Variants in BIRC6 observed in about 807,000 individuals in gnomAD.
BIRC6 encodes the protein dual E2 ubiquitin-conjugating enzyme/E3 ubiquitin-protein ligase BIRC6.
BIRC6 carries 98 observed loss-of-function variants against 503.3 expected under a neutral mutation model. The observed-to-expected ratio is 0.19, with a 90% CI of 0.17 to 0.23. The LOEUF (loss-of-function observed/expected upper bound fraction) is 0.23. BIRC6 is among the 10% of genes least tolerant of loss of function. BIRC6 has a pLI of 1.00. For missense variants in BIRC6, 5,360 were observed against 5,806.0 expected (o/e 0.92, Z 2.50); for synonymous variants, 2,240 against 2,078.7 (o/e 1.08, Z -2.11).
In BIRC6 at chr2:32,515,127, C is replaced by T; in HGVS notation, c.10706C>T (p.Pro3569Leu). 9 of 1,613,938 alleles carry T rather than the reference C, an allele frequency of 5.6e-6. No individual in the cohort carries two copies. The highest frequency in any genetic ancestry group is 7.6e-6 in the Non-Finnish European group (9 of 1,179,880). ...ATGGGCTGGATGGGAATTACCCCTC[C>T]TCCAGTGCAATGTCATCATAGACTG... ...LLMGWMGITPPPVQCHHRLSM... is the reference protein window; with the variant it reads ...LLMGWMGITPLPVQCHHRLSM... The change falls in exon 55 of 74, where the codon CCT becomes CTT. Residue 3569 changes from proline to leucine, a missense_variant. Physicochemically the swap from Pro to Leu is moderately conservative, Grantham distance 98. Transcript: ENST00000421745.
intron 61 of BIRC6, among the ~76,000 whole-genome samples, chr2:32,535,756 C>T (rs1242879130): frequency 1.3e-5 from 2 of 152,192 alleles, no homozygotes; most frequent in African/African-American, 4.8e-5. Flanking sequence ...AATAGTGCTG[C>T]AATAAACATA....
At chr2:32,384,378 A>AT (rs769809045) in intron 3 of BIRC6, among the ~76,000 whole-genome samples, 2,772 of 139,110 alleles carry the variant, frequency 0.02, 55 homozygotes, top group African/African-American at 0.063. Context: ...TGGAAAAAAG[A>AT]TTTTTTTTTT....
intron 49 of BIRC6, 138 bp downstream of exon 49, chr2:32,503,374 G>A (rs1021891092): frequency 2.7e-6 from 2 of 729,668 alleles, no homozygotes; most frequent in Non-Finnish European, 4.5e-6. Flanking sequence ...TAGAGGTAGT[G>A]GATATCTCGA....
chr2:32,570,488 A>ATTTG (rs146958492), intron 65 of BIRC6, among the ~76,000 whole-genome samples: 2,809 of 146,514 alleles, frequency 0.019, 74 homozygotes, highest in African/African-American at 0.065. Flanking sequence ...GTGGCCATTT[A>ATTTG]TTTGTTTGTT....
At chr2:32,446,688 G>A (rs2045974619) in intron 21 of BIRC6, among the ~76,000 whole-genome samples, 1 of 138,852 alleles carries the variant, frequency 7.2e-6, no homozygotes, top group Admixed American at 7.5e-5. Context: ...ACATAGTTGA[G>A]ATTCACTGAA....
intron 65 of BIRC6, among the ~76,000 whole-genome samples, chr2:32,560,218 TG>T (rs2059074365): frequency 6.6e-6 from 1 of 152,212 alleles, no homozygotes; most frequent in Non-Finnish European, 1.5e-5. Context: ...TTTGATATCT[TG>T]AGATATTTTT....
chr2:32,590,163 T>G (rs749188550), intron 66 of BIRC6, among the ~76,000 whole-genome samples: 20 of 152,204 alleles, frequency 1.3e-4, no homozygotes, highest in Non-Finnish European at 2.5e-4. Context: ...ACAGTAATAT[T>G]TTTATTTACT....
Position 32,531,351 on chromosome 2 carries a change from C to G in BIRC6, c.12095-4C>G. On this transcript the variant is annotated splice_region_variant and splice_polypyrimidine_tract_variant and intron_variant, in intron 60 of 73. Transcript: ENST00000421745. ...TATTCAGTTATTTGTAATTTATTGTCTAGATCATGGAGACTTACTTGCTAG... is the reference window on the plus strand; with the variant it reads ...TATTCAGTTATTTGTAATTTATTGTGTAGATCATGGAGACTTACTTGCTAG... The G allele has an allele frequency of 6.2e-7, 1 of 1,604,544 alleles. No individual in the cohort carries two copies. The highest frequency in any genetic ancestry group is 2.2e-5 in the East Asian group (1 of 44,734).
At chr2:32,429,028 G>GGT in intron 10 of BIRC6, 118 bp from the exon 11 acceptor site, 1 of 876,036 alleles carries the variant, frequency 1.1e-6, no homozygotes, top group Non-Finnish European at 1.6e-6. Context: ...ACATCACATT[G>GGT]GTAGCTTTCC....
chr2:32,384,354 C>T (rs889433816), intron 3 of BIRC6, among the ~76,000 whole-genome samples: 1 of 151,742 alleles, frequency 6.6e-6, no homozygotes, highest in Non-Finnish European at 1.5e-5. Context: ...CAGGATGATA[C>T]ACAGTAAGAC....
intron 10 of BIRC6, among the ~76,000 whole-genome samples, chr2:32,424,442 G>A (rs1179645916): frequency 6.6e-6 from 1 of 151,594 alleles, no homozygotes; most frequent in Non-Finnish European, 1.5e-5. Flanking sequence ...AAATATTTGA[G>A]TACCCGTTTT....
chr2:32,369,885 G>A (rs1234496071), intron 1 of BIRC6, among the ~76,000 whole-genome samples: 2 of 133,422 alleles, frequency 1.5e-5, no homozygotes, highest in Admixed American at 8.3e-5. Flanking sequence ...GAGACCAGGA[G>A]TTCCAGGTTA....
rs1304643299 is a variant in BIRC6, at chr2:32,470,281, C to G, written c.6461C>G (p.Pro2154Arg). 1 of 1,575,288 alleles carries G rather than the reference C, an allele frequency of 6.3e-7. No individual in the cohort carries two copies. The change falls in exon 31 of 74, where the codon CCC (proline) becomes CGC (arginine). Residue 2154 changes from proline to arginine, a missense_variant. Pro to Arg is a moderately radical substitution (Grantham distance 103). Coordinates refer to ENST00000421745, the MANE Select transcript of BIRC6 (RefSeq NM_016252.4). ...TTGTCACCTCTTCAGCCACAGTTAC[C>G]CATGCATAGGAGGACAGAAGGTATT... ...NLLSPLQPQL[P>R]MHRRTEGVLD...
At position 32,461,052 on chromosome 2, in the gene BIRC6, CTTCTCTTCTCTTCTG is replaced by C. The variant is rs1212454220; in HGVS notation, c.4754-2136_4754-2122del. Among the ~76,000 whole-genome samples the C allele has an allele frequency of 5.8e-4, 38 of 65,824 alleles. 1 individual carries two copies. The highest frequency in any genetic ancestry group is 1.4e-3 in the African/African-American group (30 of 21,098). The allele number at this position is 65,824 out of a possible 152,430, so 43.2% of individuals were successfully genotyped here. ...CTTCTCTTCTCTTCTCTTCTCTTCT[CTTCTCTTCTCTTCTG>C]TTCTCCTCTCCTCTCCTCTCCTCTC... On this transcript the variant is annotated intron_variant, in intron 23 of 73. Transcript: ENST00000421745.
intron 59 of BIRC6, chr2:32,528,330 TCTC>T (rs2056451277): frequency 6.6e-6 from 1 of 152,358 alleles, no homozygotes; most frequent in Non-Finnish European, 1.5e-5. Context: ...TTCAAGCAGT[TCTC>T]CTGCCTCAGC....
rs138698303 is a variant in BIRC6, at chr2:32,463,854, C to T, written c.4941+473C>T. Among the ~76,000 whole-genome samples, 243 of 152,328 alleles carry T rather than the reference C, an allele frequency of 1.6e-3. 1 individual carries two copies. Among genetic ancestry groups the T allele is most frequent in the African/African-American group, 5.3e-3 (222 of 41,566 alleles). On this transcript the variant is annotated intron_variant, in intron 24 of 73. Transcript: ENST00000421745. ...ATAGCCTTTCAGGAACTGGGCTGCA[C>T]AGCAAGATGTGAGCGGTGGGCAAGC...
chr2:32,578,517 C>T lies in BIRC6; in HGVS notation c.13355+3151C>T, dbSNP rs184228938. On this transcript the variant is annotated intron_variant, in intron 66 of 73. Coordinates refer to ENST00000421745, the MANE Select transcript of BIRC6 (RefSeq NM_016252.4). ...CTTTAAAAATGCTGTGTATCACGGC[C>T]GGGTGCAGTGGCTCACGGCTGTAAT... Among the ~76,000 whole-genome samples the T allele has an allele frequency of 3.9e-5, 6 of 152,106 alleles. No individual in the cohort carries two copies. The East Asian group carries it at 9.7e-4, about 25-fold the overall frequency.
At chr2:32,541,525 C>T (rs1387070653) in intron 61 of BIRC6, among the ~76,000 whole-genome samples, 2 of 151,934 alleles carry the variant, frequency 1.3e-5, no homozygotes, top group Non-Finnish European at 2.9e-5. Flanking sequence ...TTAAAAATCA[C>T]CCCACAGAGT....
intron 10 of BIRC6, among the ~76,000 whole-genome samples, chr2:32,424,506 C>T (rs1451832595): frequency 1.3e-5 from 2 of 150,190 alleles, no homozygotes; most frequent in East Asian, 3.9e-4. Context: ...CATGGTAATT[C>T]TATGTTCAAC....
Sources: allele counts gnomAD v4.1 joint callset (sites outside exome capture counted in the v4.1 genomes callset), GRCh38; gene constraint gnomAD v4.1.1; transcripts MANE v1.5; gene names NCBI Gene and HGNC (gene_info 2026-07-23, HGNC 2026-07-21).